Variants in GRM8 observed in about 807,000 individuals in gnomAD.
GRM8 encodes metabotropic glutamate receptor 8.
In GRM8, 47 loss-of-function variants were observed where a neutral mutation model predicts 87.2. That is an observed-to-expected ratio of 0.54 (90% confidence interval 0.43 to 0.69). The LOEUF (loss-of-function observed/expected upper bound fraction) is 0.69, where lower values mean the gene tolerates loss of function less well. GRM8 is among the 30% of genes least tolerant of loss of function. The pLI is 0.00. For synonymous variants in GRM8, 396 were observed against 404.5 expected (o/e 0.98, Z 0.25); for missense variants, 1,019 against 1,139.2 (o/e 0.89, Z 1.52).
rs1030803857 is a variant in GRM8, at chr7:127,218,601, G to A, written c.510+24094C>T. ...GAAGGGAACCTGGTGCATAGTGAGC[G>A]TCAGCCATGATGATCCAGCCTCCCT... On this transcript the variant is annotated intron_variant, in intron 2 of 10. Transcript: ENST00000339582. 5.3e-5 allele frequency among the ~76,000 whole-genome samples: 8 copies of A among 152,152 alleles called. No individual in the cohort carries two copies. The South Asian group carries it at 6.2e-4, about 12-fold the overall frequency.
At position 127,165,483 on chromosome 7, in the gene GRM8, C is replaced by T. The variant is rs144691893; in HGVS notation, c.511-58771G>A. On this transcript the variant is annotated intron_variant, in intron 2 of 10. Transcript: ENST00000339582. ...GCAGACTCATCGGTGGACAAGTTCA[C>T]ATCGTAAACCTTCAGCATGCATTCC... is the stretch of plus-strand genomic sequence containing the variant. 5.7e-3 allele frequency among the ~76,000 whole-genome samples: 866 copies of T among 152,076 alleles called. 7 individuals are homozygous for T. The highest frequency in any genetic ancestry group is 7.2e-3 in the Non-Finnish European group (492 of 67,986).
intron 8 of GRM8, among the ~76,000 whole-genome samples, chr7:126,582,056 A>G (rs1194719301): frequency 6.6e-6 from 1 of 152,194 alleles, no homozygotes. Flanking sequence ...TTAAATCACA[A>G]GCTAGAAATG....
chr7:126,535,532 A>G (rs765518139), intron 8 of GRM8, among the ~76,000 whole-genome samples: 23 of 152,228 alleles, frequency 1.5e-4, no homozygotes, highest in Non-Finnish European at 1.5e-5. Context: ...GCAGCAGCTC[A>G]GGGCAGTTCT....
chr7:126,857,182 G>A (rs929343645), intron 6 of GRM8, among the ~76,000 whole-genome samples: 5 of 152,168 alleles, frequency 3.3e-5, no homozygotes, highest in African/African-American at 1.2e-4. Flanking sequence ...AAAATTCTGT[G>A]TACTACCACA....
chr7:127,003,180 C>T (rs1328072455), intron 3 of GRM8, among the ~76,000 whole-genome samples: 2 of 151,764 alleles, frequency 1.3e-5, no homozygotes, highest in East Asian at 3.9e-4. Flanking sequence ...ACAAGTTGTC[C>T]CTCATGAAGA....
intron 6 of GRM8, among the ~76,000 whole-genome samples, chr7:126,800,807 A>G (rs1292691813): frequency 7.5e-6 from 1 of 133,782 alleles, no homozygotes; most frequent in African/African-American, 2.5e-5. Context: ...GAATAATATT[A>G]GTCAGAAGCC....
At chr7:127,199,698 T>C (rs1015087069) in intron 2 of GRM8, among the ~76,000 whole-genome samples, 2 of 152,204 alleles carry the variant, frequency 1.3e-5, no homozygotes, top group South Asian at 2.1e-4. Context: ...TTGTTAAAAA[T>C]GATGCAAATT....
At position 126,595,403 on chromosome 7, in the gene GRM8, ATTTTATTTTATTTTATTTTATTT is replaced by A. The variant is rs1481066703; in HGVS notation, c.1494+13936_1494+13958del. 4.0e-4 allele frequency among the ~76,000 whole-genome samples: 47 copies of A among 117,644 alleles called. No individual in the cohort carries two copies. The East Asian group carries it at 6.1e-3, about 15-fold the overall frequency. The allele number at this position is 117,644 out of a possible 152,430, so 77.2% of individuals were successfully genotyped here. A position where few individuals can be genotyped will look rare whatever the true frequency, so the allele number is the denominator to read the frequency against. On this transcript the variant is annotated intron_variant, in intron 8 of 10. Transcript: ENST00000339582. Reference sequence around the variant, plus strand: ...ATTTTATTTTATTTTATTTTATTTTATTTTATTTTATTTTATTTTATTTTATTATTTTATTATTTATTTTGTAG... The same window carrying A: ...ATTTTATTTTATTTTATTTTATTTTATATTATTTTATTATTTATTTTGTAG...
intron 6 of GRM8, among the ~76,000 whole-genome samples, chr7:126,845,511 T>C (rs1386785296): frequency 6.6e-6 from 1 of 152,148 alleles, no homozygotes; most frequent in Non-Finnish European, 1.5e-5. Flanking sequence ...TGCACAGAAA[T>C]GAATCATTCA....
intron 3 of GRM8, among the ~76,000 whole-genome samples, chr7:127,015,208 GAAGAAGAAGAAGAAGA>G (rs1815488366): frequency 8.5e-6 from 1 of 118,062 alleles, no homozygotes; most frequent in Non-Finnish European, 1.7e-5. Context: ...AGAAGAAGAA[GAAGAAGAAGAAGAAGA>G]AGAAGAAGAA....
intron 2 of GRM8, among the ~76,000 whole-genome samples, chr7:127,238,795 G>C (rs1798129361): frequency 6.6e-6 from 1 of 152,154 alleles, no homozygotes; most frequent in African/African-American, 2.4e-5. Flanking sequence ...CTTCCCTCTA[G>C]GTCAGATGAG....
chr7:126,506,458 C>T (rs1469696500), intron 9 of GRM8, among the ~76,000 whole-genome samples: 1 of 152,052 alleles, frequency 6.6e-6, no homozygotes, highest in Non-Finnish European at 1.5e-5. Flanking sequence ...TCCCAGAAAA[C>T]CCCTTCCCAC....
chr7:126,688,297 A>G (rs1808394011), intron 7 of GRM8, among the ~76,000 whole-genome samples: 1 of 152,174 alleles, frequency 6.6e-6, no homozygotes, highest in Admixed American at 6.5e-5. Flanking sequence ...ATGCATTCAT[A>G]TTTTTCAGGA....
intron 3 of GRM8, among the ~76,000 whole-genome samples, chr7:127,093,062 T>C (rs1302211356): frequency 6.6e-6 from 1 of 152,194 alleles, no homozygotes; most frequent in African/African-American, 2.4e-5. Flanking sequence ...TCAAGTGAAC[T>C]CTAGCATCTC....
At chr7:126,465,382 G>T (rs1804373839) in intron 9 of GRM8, 1 of 149,304 alleles carries the variant, frequency 6.7e-6, no homozygotes, top group Admixed American at 6.7e-5. Flanking sequence ...CATCCCTACT[G>T]GGATTTTGAT....
intron 7 of GRM8, among the ~76,000 whole-genome samples, chr7:126,616,171 C>G (rs1799469393): frequency 6.6e-6 from 1 of 152,226 alleles, no homozygotes; most frequent in South Asian, 2.1e-4. Context: ...TTATAACAAA[C>G]TATCTCTCAG....
At chr7:127,164,750 T>G (rs560816813) in intron 2 of GRM8, among the ~76,000 whole-genome samples, 9 of 152,094 alleles carry the variant, frequency 5.9e-5, no homozygotes, top group African/African-American at 2.2e-4. Flanking sequence ...ATCTCAAAAT[T>G]TAGCTTGTTT....
intron 9 of GRM8, among the ~76,000 whole-genome samples, chr7:126,471,252 T>C (rs1805179709): frequency 6.6e-6 from 1 of 152,212 alleles, no homozygotes; most frequent in Non-Finnish European, 1.5e-5. Flanking sequence ...GTTTTAGACA[T>C]GAAGTCCTTG....
intron 3 of GRM8, among the ~76,000 whole-genome samples, chr7:126,961,615 C>G (rs889565712): frequency 6.6e-6 from 1 of 152,188 alleles, no homozygotes; most frequent in Non-Finnish European, 1.5e-5. Flanking sequence ...CACCACAGAG[C>G]AGGTGCTCTC....
Sources: gnomAD v4.1 joint callset for allele counts (sites outside exome capture counted in the v4.1 genomes callset) on GRCh38, gnomAD v4.1.1 for gene constraint, MANE v1.5 for transcripts, NCBI Gene and HGNC (gene_info 2026-07-23, HGNC 2026-07-21) for gene names.